Variants in SNRPN observed in about 807,000 individuals in gnomAD.
SNRPN encodes small nuclear ribonucleoprotein-associated protein N.
SNRPN carries 7 observed loss-of-function variants against 25.2 expected under a neutral mutation model. The observed-to-expected ratio is 0.28, with a 90% CI of 0.16 to 0.52. SNRPN has a LOEUF of 0.52. Ranked by LOEUF, SNRPN falls within the 20% of genes least tolerant of loss-of-function variation. The pLI is 0.96. For missense variants in SNRPN, 196 were observed against 322.5 expected, an observed-to-expected ratio of 0.61 and a Z score of 3.00; for synonymous variants, 124 against 110.6, an observed-to-expected ratio of 1.12 and a Z score of -0.76.
chr15:24,922,762 T>G (rs1178455808), intron 3 of SNRPN, among the ~76,000 whole-genome samples: 1 of 151,726 alleles, frequency 6.6e-6, no homozygotes, highest in Admixed American at 6.6e-5. Context: ...TCATTATATA[T>G]AATATATACA....
intron 1 of SNRPN, among the ~76,000 whole-genome samples, chr15:24,826,630 C>T (rs559278314): frequency 6.6e-6 from 1 of 152,102 alleles, no homozygotes; most frequent in South Asian, 2.1e-4. Flanking sequence ...GTGAATGAAA[C>T]TCATAAAGAA....
At chr15:24,824,188 T>C (rs1455389468) in intron 1 of SNRPN, among the ~76,000 whole-genome samples, 1 of 152,082 alleles carries the variant, frequency 6.6e-6, no homozygotes, top group Non-Finnish European at 1.5e-5. Flanking sequence ...CAAAATTTAC[T>C]TACAATCGCA....
At chr15:24,977,455 G>A (rs1279040719) in intron 7 of SNRPN, among the ~76,000 whole-genome samples, 1 of 151,950 alleles carries the variant, frequency 6.6e-6, no homozygotes, top group African/African-American at 2.4e-5. Flanking sequence ...CCCGGCCCAC[G>A]TGGTGAAAAC....
chr15:24,882,334 A>G (rs1316314808), intron 1 of SNRPN, among the ~76,000 whole-genome samples: 6 of 152,170 alleles, frequency 3.9e-5, no homozygotes, highest in Admixed American at 2.6e-4. Context: ...GGGAAGAAAA[A>G]AAACTACCTA....
intron 2 of SNRPN, among the ~76,000 whole-genome samples, chr15:24,907,306 T>C (rs1031511635): frequency 6.6e-6 from 1 of 152,012 alleles, no homozygotes; most frequent in Non-Finnish European, 1.5e-5. Context: ...CTCTCAAAAA[T>C]TCGTGTTGAG....
At chr15:24,896,520 C>T (rs1036791453) in intron 2 of SNRPN, among the ~76,000 whole-genome samples, 6 of 151,842 alleles carry the variant, frequency 4.0e-5, no homozygotes, top group Admixed American at 6.6e-5. Flanking sequence ...ACCCCCCCGC[C>T]GGCTAACACG....
At chr15:24,932,661 T>C (rs2060952055) in intron 3 of SNRPN, among the ~76,000 whole-genome samples, 1 of 151,386 alleles carries the variant, frequency 6.6e-6, no homozygotes, top group African/African-American at 2.4e-5. Flanking sequence ...TTTTTTTTTT[T>C]CCTTTGAGAC....
chr15:24,840,155 CGA>C (rs1221786188), intron 2 of SNRPN, among the ~76,000 whole-genome samples: 1 of 152,018 alleles, frequency 6.6e-6, no homozygotes, highest in Non-Finnish European at 1.5e-5. Flanking sequence ...GTCAGGAGTT[CGA>C]GACCAGCCTG....
chr15:24,894,843 T>C (rs2057971099), intron 2 of SNRPN, among the ~76,000 whole-genome samples: 1 of 152,172 alleles, frequency 6.6e-6, no homozygotes, highest in Admixed American at 6.5e-5. Context: ...CAGCTGTCCC[T>C]TTCTCGTTGC....
At chr15:24,846,018 G>A (rs1456352673) in intron 2 of SNRPN, among the ~76,000 whole-genome samples, 3 of 151,818 alleles carry the variant, frequency 2.0e-5, no homozygotes, top group South Asian at 4.1e-4. Flanking sequence ...TTGGGAAGTG[G>A]AGGTTGCAGT....
intron 2 of SNRPN, among the ~76,000 whole-genome samples, chr15:24,905,049 G>T (rs918059927): frequency 2.0e-5 from 3 of 149,956 alleles, no homozygotes; most frequent in Non-Finnish European, 4.4e-5. Context: ...GAATTCAGAG[G>T]TTGCAGTAAA....
intron 3 of SNRPN, among the ~76,000 whole-genome samples, chr15:24,922,076 C>G (rs184926037): frequency 6.6e-6 from 1 of 150,726 alleles, no homozygotes; most frequent in African/African-American, 2.4e-5. Flanking sequence ...AGCCGGGCAC[C>G]GTGGCGGGCT....
At chr15:24,894,068 G>A (rs999250760) in intron 2 of SNRPN, among the ~76,000 whole-genome samples, 1 of 152,172 alleles carries the variant, frequency 6.6e-6, no homozygotes, top group Non-Finnish European at 1.5e-5. Flanking sequence ...CCCCCTGAGA[G>A]CTGGCAATAG....
chr15:24,924,919 G>C (rs565366086), intron 3 of SNRPN, among the ~76,000 whole-genome samples: 41 of 152,222 alleles, frequency 2.7e-4, no homozygotes, highest in South Asian at 8.3e-4. Context: ...CTTACACCCA[G>C]CCACGTGAAA....
chr15:24,946,205 G>A (rs1329630490), intron 3 of SNRPN, among the ~76,000 whole-genome samples: 2 of 152,224 alleles, frequency 1.3e-5, no homozygotes, highest in East Asian at 1.9e-4. Flanking sequence ...CTTTGAGTAC[G>A]GTTCTTTTCT....
intron 1 of SNRPN, among the ~76,000 whole-genome samples, chr15:24,867,639 G>A (rs181519283): frequency 1.1e-4 from 16 of 152,284 alleles, no homozygotes; most frequent in African/African-American, 3.8e-4. Flanking sequence ...CTCCCAAAGT[G>A]CTGGGATTAC....
At chr15:24,918,420 GTATATATAACATAATATATA>G (rs2059694888) in intron 2 of SNRPN, among the ~76,000 whole-genome samples, 9 of 36,752 alleles carry the variant, frequency 2.4e-4, no homozygotes, top group Non-Finnish European at 3.0e-4. Flanking sequence ...ATATATATGT[GTATATATAACATAATATATA>G]TGTGTATATA....
At chr15:24,942,412 G>T (rs1471310487) in intron 3 of SNRPN, 1 of 152,160 alleles carries the variant, frequency 6.6e-6, no homozygotes, top group Non-Finnish European at 1.5e-5. Flanking sequence ...TCTTCAAAAG[G>T]CCTTTCCACC....
At position 24,964,114 on chromosome 15, in the gene SNRPN, T is replaced by G. The variant is rs529529296; in HGVS notation, c.-295+1905T>G. ...TAAAGATTTTTTTTTTATTTTTTCC[T>G]ATTTATTTTGCCGATTTTTACTATA... On this transcript the variant is annotated intron_variant, in intron 2 of 9. Coordinates refer to ENST00000390687, the MANE Select transcript of SNRPN (RefSeq NM_003097.6). Among the ~76,000 whole-genome samples, 4 of 152,228 alleles carry G rather than the reference T, an allele frequency of 2.6e-5. No homozygotes were observed. The East Asian group carries it at 7.7e-4, about 29-fold the overall frequency.
Sources: allele counts gnomAD v4.1 joint callset (sites outside exome capture counted in the v4.1 genomes callset), GRCh38; gene constraint gnomAD v4.1.1; transcripts MANE v1.5; gene names NCBI Gene and HGNC (gene_info 2026-07-23, HGNC 2026-07-21).